The following RMND5A variants were observed in gnomAD, a reference collection of about 807,000 sequenced individuals.
RMND5A encodes required for meiotic nuclear division 5 homolog A.
RMND5A carries 17 observed loss-of-function variants against 49.7 expected under a neutral mutation model. The ratio of observed to expected loss-of-function variants is 0.34; its 90% CI spans 0.23 to 0.51. The LOEUF is 0.51. Ranked by LOEUF, RMND5A falls within the 20% of genes least tolerant of loss-of-function variation. RMND5A has a pLI of 0.96. For missense variants in RMND5A, 255 were observed against 471.3 expected, an observed-to-expected ratio of 0.54 and a Z score of 4.25; for synonymous variants, 156 against 167.7, an observed-to-expected ratio of 0.93 and a Z score of 0.54.
intron 4 of RMND5A, among the ~76,000 whole-genome samples, chr2:86,761,578 G>A (rs1672489559): frequency 6.6e-6 from 1 of 152,148 alleles, no homozygotes; most frequent in South Asian, 2.1e-4. Flanking sequence ...ATTTTGCCAG[G>A]GAGGGAGAAG....
chr2:86,742,537 G>T (rs1681466795), intron 2 of RMND5A, among the ~76,000 whole-genome samples: 1 of 148,508 alleles, frequency 6.7e-6, no homozygotes, highest in East Asian at 2.1e-4. Flanking sequence ...GGGAGTGGTG[G>T]TGGGACACTT....
chr2:86,758,102 G>A (rs1681776663), intron 4 of RMND5A, among the ~76,000 whole-genome samples: 1 of 152,166 alleles, frequency 6.6e-6, no homozygotes, highest in African/African-American at 2.4e-5. Flanking sequence ...CCTTGGTCGA[G>A]TTTTGAGTCA....
intron 1 of RMND5A, among the ~76,000 whole-genome samples, chr2:86,732,006 G>A (rs1231958937): frequency 1.7e-5 from 1 of 60,006 alleles, no homozygotes; most frequent in Admixed American, 1.9e-4. Flanking sequence ...CCAGTCTTAG[G>A]TGGTGATACT....
rs771762935 is a variant in RMND5A, at chr2:86,771,638, C to T, written c.1038C>T (p.Asn346=). The T allele has an allele frequency of 1.9e-6, 3 of 1,613,046 alleles. No individual in the cohort carries two copies. The highest frequency in any genetic ancestry group is 4.5e-5 in the East Asian group (2 of 44,818). Residue 346 remains asparagine, a synonymous_variant, in exon 8 of 9, where the codon AAC becomes AAT. Transcript: ENST00000283632. ...TTCTTCGTCAGCAAACAACAGATAA[C>T]AATCCACCCATGAAATTGGTCTGTG... is the stretch of plus-strand genomic sequence containing the variant. The part of the protein sequence containing the change: ...CPILRQQTTD[N]NPPMKLVCGH...
chr2:86,721,041 A>G (rs180852502), intron 1 of RMND5A: 8,863 of 427,128 alleles, frequency 0.021, 294 homozygotes, highest in East Asian at 0.097. Context: ...CCGGAAACCC[A>G]GCCGGGAGCG....
At chr2:86,744,837 C>T (rs985838508) in intron 2 of RMND5A, among the ~76,000 whole-genome samples, 4 of 152,216 alleles carry the variant, frequency 2.6e-5, no homozygotes, top group African/African-American at 9.6e-5. Flanking sequence ...GGCCTACATG[C>T]GCTTGCTACC....
At chr2:86,751,820 AC>A in intron 2 of RMND5A, 75 bp from the exon 3 acceptor site, 3 of 1,464,716 alleles carry the variant, frequency 2.0e-6, no homozygotes, top group Non-Finnish European at 2.8e-6. Context: ...TCAGACTGAA[AC>A]AAAGACCATT....
In RMND5A at chr2:86,771,604, C is replaced by T; in HGVS notation, c.1004C>T (p.Ala335Val). The T allele has an allele frequency of 6.2e-7, 1 of 1,612,920 alleles. No individual in the cohort carries two copies. Among genetic ancestry groups the T allele is most frequent in the Non-Finnish European group, 8.5e-7 (1 of 1,179,746 alleles). Residue 335 changes from alanine (A) to valine (V), a missense_variant, in exon 8 of 9, where the codon GCC becomes GTC. Transcript: ENST00000283632. ...AAGTGCTGGTATCACTCTATATTTGCCTGCCCCATTCTTCGTCAGCAAACA... is the reference window on the plus strand; with the variant it reads ...AAGTGCTGGTATCACTCTATATTTGTCTGCCCCATTCTTCGTCAGCAAACA... ...GKKCWYHSIF[A>V]CPILRQQTTD...
chr2:86,776,818 A>G lies in RMND5A; in HGVS notation c.*3407A>G, dbSNP rs1209902956. The G allele has an allele frequency of 6.6e-6, 1 of 152,006 alleles. No homozygotes were observed. Among genetic ancestry groups the G allele is most frequent in the African/African-American group, 2.4e-5 (1 of 41,328 alleles). 9.4% of individuals were successfully genotyped at this position (152,006 alleles called of 1,614,324 possible). A position where few individuals can be genotyped will look rare whatever the true frequency, so the allele number is the denominator to read the frequency against. On this transcript the variant is annotated 3_prime_UTR_variant, in exon 9 of 9. Coordinates refer to ENST00000283632, the MANE Select transcript of RMND5A (RefSeq NM_022780.4). ...TATAAGGTGACGACACAAACCAAAT[A>G]CCTTTCTTTCATCACTTAACTATAC...
intron 2 of RMND5A, among the ~76,000 whole-genome samples, chr2:86,745,402 A>C (rs1237604736): frequency 6.6e-6 from 1 of 152,228 alleles, no homozygotes; most frequent in African/African-American, 2.4e-5. Context: ...GCTATCTTAA[A>C]TTTGACTTGG....
At chr2:86,765,241 C>T (rs890331234) in intron 5 of RMND5A, 48 bp downstream of exon 5, 8 of 1,491,118 alleles carry the variant, frequency 5.4e-6, no homozygotes, top group South Asian at 2.5e-5. Context: ...GGGCTATAGC[C>T]ACCACTGTAA....
chr2:86,749,245 G>A (rs1193412802), intron 2 of RMND5A, among the ~76,000 whole-genome samples: 1 of 152,134 alleles, frequency 6.6e-6, no homozygotes. Flanking sequence ...TATAAAATTA[G>A]CTCTCAACAG....
At chr2:86,759,725 G>A (rs1208077822) in intron 4 of RMND5A, among the ~76,000 whole-genome samples, 3 of 148,284 alleles carry the variant, frequency 2.0e-5, no homozygotes, top group Admixed American at 6.8e-5. Context: ...ACTTGAACCC[G>A]GGAGGCAGAG....
intron 8 of RMND5A, 110 bp downstream of exon 8, chr2:86,771,822 A>T: frequency 1.1e-6 from 1 of 873,444 alleles, no homozygotes; most frequent in Non-Finnish European, 1.7e-6. Flanking sequence ...TTAGAACTAA[A>T]TAAATTTCTT....
chr2:86,743,710 G>A lies in RMND5A; in HGVS notation c.285+2641G>A, dbSNP rs140193509. ...GAAACTATATTATTTAGTCGGCTGG[G>A]CGTGGTGGCTCACACTTGTAATCCC... On this transcript the variant is annotated intron_variant, in intron 2 of 8. Coordinates refer to ENST00000283632, the MANE Select transcript of RMND5A (RefSeq NM_022780.4). Among the ~76,000 whole-genome samples the A allele has an allele frequency of 1.2e-3, 185 of 152,242 alleles. 2 individuals carry two copies. The highest frequency in any genetic ancestry group is 0.01 in the Admixed American group (157 of 15,298).
Position 86,777,271 on chromosome 2 carries a change from TCTTA to T in RMND5A, c.*3864_*3867del, listed in dbSNP as rs1409419501. 6.6e-6 allele frequency: 1 copy of T among 152,156 alleles called. No individual in the cohort carries two copies. Among genetic ancestry groups the T allele is most frequent in the African/African-American group, 2.4e-5 (1 of 41,416 alleles). 9.4% of individuals were successfully genotyped at this position (152,156 alleles called of 1,614,324 possible). A position where few individuals can be genotyped will look rare whatever the true frequency, so the allele number is the denominator to read the frequency against. The stretch of plus-strand genomic sequence containing the variant: ...GTTATGGGTGAGGACCTACATACAC[TCTTA>T]CTTTAGCAGTCACTTAACCTTCTCC... On this transcript the variant is annotated 3_prime_UTR_variant, in exon 9 of 9. Coordinates refer to ENST00000283632, the MANE Select transcript of RMND5A (RefSeq NM_022780.4).
At chr2:86,766,638 C>T (rs1023535090) in intron 6 of RMND5A, among the ~76,000 whole-genome samples, 6 of 139,928 alleles carry the variant, frequency 4.3e-5, no homozygotes, top group African/African-American at 1.1e-4. Flanking sequence ...CACTCCAGCC[C>T]GTGCAACAAT....
rs532046228 is a variant in RMND5A, at chr2:86,745,608, C to T, written c.285+4539C>T. ...AAGGCCTGAGAGGTGTGGATTTGAT[C>T]AGATGATGAAAGCAGTTGAGGATTT... On this transcript the variant is annotated intron_variant, in intron 2 of 8. Coordinates refer to ENST00000283632, the MANE Select transcript of RMND5A (RefSeq NM_022780.4). 3.9e-5 allele frequency among the ~76,000 whole-genome samples: 6 copies of T among 152,242 alleles called. No homozygotes were observed. The South Asian group carries it at 1.2e-3, about 32-fold the overall frequency.
chr2:86,721,339 C>G (rs565067947), intron 1 of RMND5A, among the ~76,000 whole-genome samples: 1 of 152,018 alleles, frequency 6.6e-6, no homozygotes, highest in South Asian at 2.1e-4. Context: ...TTATTCTTAG[C>G]TGTGGGTTAA....
Sources: gnomAD v4.1 joint callset for allele counts (sites outside exome capture counted in the v4.1 genomes callset) on GRCh38, gnomAD v4.1.1 for gene constraint, MANE v1.5 for transcripts, NCBI Gene and HGNC (gene_info 2026-07-23, HGNC 2026-07-21) for gene names.